SUGCT: variants seen among roughly 807,000 people sequenced by gnomAD.
The protein encoded by SUGCT is succinyl-CoA:glutarate-CoA transferase, also known as succinyl-CoA:glutarate CoA-transferase.
A neutral mutation model predicts 55.0 loss-of-function variants in SUGCT; 41 were observed. That is an observed-to-expected ratio of 0.74 (90% CI 0.58 to 0.97). The LOEUF (loss-of-function observed/expected upper bound fraction) is 0.97. Among genes scored for constraint, SUGCT ranks in the 50% least tolerant of loss-of-function variants. The pLI, the probability that SUGCT is intolerant of heterozygous loss-of-function variation, is 0.00. For synonymous variants in SUGCT, 187 were observed against 200.4 expected (o/e 0.93, Z 0.56); for missense variants, 568 against 547.8 (o/e 1.04, Z -0.37).
At chr7:40,647,953 A>C (rs1236882767) in intron 12 of SUGCT, among the ~76,000 whole-genome samples, 1 of 152,212 alleles carries the variant, frequency 6.6e-6, no homozygotes, top group African/African-American at 2.4e-5. Context: ...GCTATCCTAC[A>C]TCCCGCACAT....
chr7:40,656,418 A>G (rs1801021071), intron 12 of SUGCT, among the ~76,000 whole-genome samples: 1 of 152,220 alleles, frequency 6.6e-6, no homozygotes, highest in African/African-American at 2.4e-5. Flanking sequence ...GATGAGAAGC[A>G]AATAGATCCA....
intron 9 of SUGCT, among the ~76,000 whole-genome samples, chr7:40,367,587 A>G (rs1784062630): frequency 6.6e-6 from 1 of 152,146 alleles, no homozygotes; most frequent in Non-Finnish European, 1.5e-5. Context: ...ACTTCCGTAA[A>G]AGGAAAACCA....
the SUGCT span, among the ~76,000 whole-genome samples, chr7:40,973,715 A>C: frequency 2.0e-5 from 3 of 152,178 alleles, no homozygotes; most frequent in Admixed American, 2.0e-4. Flanking sequence ...TGGCATATTC[A>C]TTTCCTTTTT....
At chr7:40,634,137 GA>G (rs1001335047) in intron 12 of SUGCT, among the ~76,000 whole-genome samples, 2 of 151,330 alleles carry the variant, frequency 1.3e-5, no homozygotes, top group Admixed American at 6.6e-5. Context: ...AGAGTTGGAG[GA>G]AAAAAAACAC....
chr7:40,882,308 T>C, the SUGCT span, among the ~76,000 whole-genome samples: 1 of 152,290 alleles, frequency 6.6e-6, no homozygotes, highest in East Asian at 1.9e-4. Flanking sequence ...AATGACCCAG[T>C]TGTTCTGTGG....
chr7:40,406,274 G>C (rs540565684), intron 9 of SUGCT, among the ~76,000 whole-genome samples: 67 of 152,242 alleles, frequency 4.4e-4, no homozygotes, highest in African/African-American at 1.5e-3. Flanking sequence ...TCTTAGGTTT[G>C]ACAATGGTAA....
intron 12 of SUGCT, among the ~76,000 whole-genome samples, chr7:40,720,845 C>CT: frequency 6.6e-6 from 1 of 152,284 alleles, no homozygotes. Flanking sequence ...ATGAAGAAAG[C>CT]TTTACAGCAT....
At chr7:40,898,059 T>G in the SUGCT span, among the ~76,000 whole-genome samples, 6 of 152,154 alleles carry the variant, frequency 3.9e-5, no homozygotes, top group Non-Finnish European at 8.8e-5. Flanking sequence ...ATGCTGCTTA[T>G]TCCTTGGGTC....
the SUGCT span, among the ~76,000 whole-genome samples, chr7:40,953,879 A>G: frequency 6.6e-6 from 1 of 152,212 alleles, no homozygotes; most frequent in Non-Finnish European, 1.5e-5. Context: ...GGTGCCTCCC[A>G]GTTAGGCTAC....
intron 12 of SUGCT, among the ~76,000 whole-genome samples, chr7:40,609,787 T>A (rs1447124541): frequency 6.6e-6 from 1 of 152,220 alleles, no homozygotes; most frequent in Non-Finnish European, 1.5e-5. Context: ...GAGTAACAAA[T>A]GATCTCTTTC....
intron 9 of SUGCT, among the ~76,000 whole-genome samples, chr7:40,425,365 C>T (rs999922649): frequency 2.6e-5 from 4 of 152,084 alleles, no homozygotes; most frequent in South Asian, 2.1e-4. Flanking sequence ...CATGTTTGAT[C>T]GTGAAATCAC....
intron 9 of SUGCT, among the ~76,000 whole-genome samples, chr7:40,387,566 G>C (rs1000405043): frequency 3.3e-5 from 5 of 152,122 alleles, no homozygotes; most frequent in African/African-American, 1.2e-4. Flanking sequence ...GGGCATTCGG[G>C]TTTATTTTTC....
rs145134985 is a variant in SUGCT at position 40,313,489 on chromosome 7, C to T, written c.721-3271C>T. 7.2e-5 allele frequency among the ~76,000 whole-genome samples: 11 copies of T among 152,264 alleles called. No individual in the cohort carries two copies. In the East Asian group the frequency reaches 2.1e-3, roughly 29 times the overall value. ...ATCCCTGTAAATAGTAGATTACTTT[C>T]AGATTGGTAATACCCCCTTTAAACA... On this transcript the variant is annotated intron_variant, in intron 8 of 13. Transcript: ENST00000335693.
chr7:40,588,638 C>T (rs558028956), intron 12 of SUGCT, among the ~76,000 whole-genome samples: 34 of 152,280 alleles, frequency 2.2e-4, no homozygotes, highest in Non-Finnish European at 4.1e-4. Flanking sequence ...TCATTTGATT[C>T]TTTGCTTTAA....
the SUGCT span, chr7:40,979,768 A>C: frequency 6.6e-6 from 1 of 152,166 alleles, no homozygotes; most frequent in Non-Finnish European, 1.5e-5. Context: ...CCATTGGTAT[A>C]AGGGAAATTT....
chr7:40,342,286 G>T (rs1584728387), intron 9 of SUGCT, among the ~76,000 whole-genome samples: 1 of 152,180 alleles, frequency 6.6e-6, no homozygotes, highest in African/African-American at 2.4e-5. Context: ...GGACTTGAGA[G>T]ATTACTCAGA....
At chr7:40,740,279 A>G in intron 12 of SUGCT, among the ~76,000 whole-genome samples, 1 of 152,064 alleles carries the variant, frequency 6.6e-6, no homozygotes, top group East Asian at 1.9e-4. Context: ...TGAAGAAGTC[A>G]TTTATTAGTC....
Position 40,616,429 on chromosome 7 carries a change from GC to G in SUGCT, c.1089+120045del, listed in dbSNP as rs1201933044. On this transcript the variant is annotated intron_variant, in intron 12 of 13. Coordinates refer to ENST00000335693, the MANE Select transcript of SUGCT (RefSeq NM_001193313.2). ...CAGGCTGACCGCAAGTGATCTACCC[GC>G]CTCAGCCTCCCAAAGTGCTGGGATT... is the stretch of plus-strand genomic sequence containing the variant. Among the ~76,000 whole-genome samples the G allele has an allele frequency of 3.3e-5, 5 of 152,242 alleles. No homozygotes were observed. The East Asian group carries it at 5.8e-4, about 18-fold the overall frequency.
chr7:40,158,990 A>G (rs1429914582), intron 1 of SUGCT, among the ~76,000 whole-genome samples: 1 of 152,168 alleles, frequency 6.6e-6, no homozygotes, highest in Non-Finnish European at 1.5e-5. Context: ...ATCACAGCTC[A>G]TTGCAGCCTT....
Sources: gnomAD v4.1 joint callset for allele counts (sites outside exome capture counted in the v4.1 genomes callset) on GRCh38, gnomAD v4.1.1 for gene constraint, MANE v1.5 for transcripts, NCBI Gene and HGNC (gene_info 2026-07-23, HGNC 2026-07-21) for gene names.